The following NLRC5 variants were observed in gnomAD, a reference collection of about 807,000 sequenced individuals.
The protein encoded by NLRC5 is protein NLRC5.
In NLRC5, 114 loss-of-function variants were observed where a neutral mutation model predicts 206.9. The observed-to-expected ratio is 0.55, with a 90% confidence interval of 0.47 to 0.64. The LOEUF (loss-of-function observed/expected upper bound fraction) is 0.64, where lower values mean the gene tolerates loss of function less well. Among genes scored for constraint, NLRC5 ranks in the 30% least tolerant of loss-of-function variants. The probability of loss-of-function intolerance (pLI) is 0.00; values close to 1 mark genes in which losing one functional copy is unlikely to be tolerated. For missense variants in NLRC5, 2,008 were observed against 2,305.5 expected (o/e 0.87, Z 2.64); for synonymous variants, 952 against 962.8 (o/e 0.99, Z 0.21).
chr16:57,026,766 C>T lies in NLRC5; in HGVS notation c.1823C>T (p.Thr608Ile). 6.2e-7 allele frequency: 1 copy of T among 1,614,100 alleles called. No homozygotes were observed. The change falls in exon 6 of 49, where the codon ACA becomes ATA. Residue 608 changes from threonine (T) to isoleucine (I), a missense_variant. Coordinates refer to ENST00000688547, the MANE Select transcript of NLRC5 (RefSeq NM_001384950.1). ...AAGAAGTTGGCCACCCGCAAGCTCA[C>T]AGGGCCAAAGGTTGTAGAGCTGTGT... is the stretch of plus-strand genomic sequence containing the variant. ...VLKKLATRKL[T>I]GPKVVELCHC... is the part of the protein sequence containing the mutation.
rs1174863689 is a variant in NLRC5 at position 57,061,573 on chromosome 16, G to A, written c.4070+42G>A. On this transcript the variant is annotated intron_variant, in intron 31 of 48. Coordinates refer to ENST00000688547, the MANE Select transcript of NLRC5 (RefSeq NM_001384950.1). The stretch of plus-strand genomic sequence containing the variant: ...GCCCGTGAGGACAGCAGAGGGGTGG[G>A]GGCACCCTGCCAGAGCCACCTCAGT... 5.6e-6 allele frequency: 9 copies of A among 1,608,490 alleles called. No homozygotes were observed. The Admixed American group carries it at 1.0e-4, about 18-fold the overall frequency.
chr16:57,028,214 C>A (rs373846225), intron 7 of NLRC5, 59 bp downstream of exon 7: 7 of 1,570,126 alleles, frequency 4.5e-6, no homozygotes, highest in Non-Finnish European at 6.1e-6. Flanking sequence ...GTACTCTCCT[C>A]CCTCTCCTTA....
intron 13 of NLRC5, among the ~76,000 whole-genome samples, chr16:57,035,190 C>G (rs1472262736): frequency 1.3e-5 from 2 of 152,154 alleles, no homozygotes; most frequent in Admixed American, 1.3e-4. Flanking sequence ...TTTAGTCCCT[C>G]CAGATGGACC....
intron 6 of NLRC5, 44 bp downstream of exon 6, chr16:57,027,062 G>A: frequency 1.9e-6 from 3 of 1,581,042 alleles, no homozygotes; most frequent in Non-Finnish European, 2.6e-6. Flanking sequence ...TTGGGCTTTT[G>A]GGGGAGCAGA....
intron 5 of NLRC5, among the ~76,000 whole-genome samples, chr16:57,025,124 A>G (rs1214853524): frequency 6.6e-6 from 1 of 152,128 alleles, no homozygotes; most frequent in South Asian, 2.1e-4. Context: ...CGTGACCCAC[A>G]CTTCCCCATT....
Position 57,077,752 on chromosome 16 carries a change from A to T in NLRC5, c.4953A>T (p.Gly1651=), listed in dbSNP as rs2068585977. The T allele has an allele frequency of 3.1e-6, 5 of 1,603,030 alleles. No homozygotes were observed. The highest frequency in any genetic ancestry group is 1.7e-4 in the Middle Eastern group (1 of 6,026). Residue 1651 remains glycine (G), a synonymous_variant, in exon 42 of 49, where the codon GGA becomes GGT. Transcript: ENST00000688547. ...LSGNSISSAG[G]VQLAESLVLC... is the part of the protein sequence containing the mutation. ...GGAATAGCATCAGCTCAGCCGGGGG[A>T]GTGCAGTTGGCAGAGTCTCTCGTTC...
Position 57,069,933 on chromosome 16 carries a change from T to C in NLRC5, c.4583+14T>C, listed in dbSNP as rs757544514. The stretch of plus-strand genomic sequence containing the variant: ...GGAGGAGCTGGAGTGAGTTGCAGAG[T>C]GGAGGGATTGGGGACAAGTGGCCCA... On this transcript the variant is annotated intron_variant, in intron 37 of 48. Coordinates refer to ENST00000688547, the MANE Select transcript of NLRC5 (RefSeq NM_001384950.1). 40 of 1,560,262 alleles carry C rather than the reference T, an allele frequency of 2.6e-5. 1 individual carries two copies. In the Middle Eastern group the frequency reaches 8.4e-4, roughly 33 times the overall value.
At chr16:57,077,913 T>C (rs27392) in intron 42 of NLRC5, 30 bp from the exon 43 acceptor site, 754,997 of 1,610,710 alleles carry the variant, frequency 0.47, 185,949 homozygotes, top group Non-Finnish European at 0.52. Flanking sequence ...GCAGGCCCAG[T>C]ACTCAATGCT....
In NLRC5 at chr16:57,026,966, G is replaced by C; in HGVS notation, c.2023G>C (p.Glu675Gln). The C allele has an allele frequency of 6.2e-7, 1 of 1,614,164 alleles. No homozygotes were observed. The highest frequency in any genetic ancestry group is 8.5e-7 in the Non-Finnish European group (1 of 1,180,030). The change falls in exon 6 of 49, where the codon GAG becomes CAG. Residue 675 changes from glutamate (E) to glutamine (Q), a missense_variant. Transcript: ENST00000688547. ...IHLDFDGCPL[E>Q]PHCPEALVGC... is the part of the protein sequence containing the mutation. The stretch of plus-strand genomic sequence containing the variant: ...CCTGGATTTTGATGGCTGTCCCCTG[G>C]AGCCCCACTGCCCTGAGGCTCTGGT...
rs539352160 is a variant in NLRC5, at chr16:57,015,334, T to G, written c.-127-1740T>G. 2.6e-5 allele frequency among the ~76,000 whole-genome samples: 4 copies of G among 152,254 alleles called. No homozygotes were observed. In the East Asian group the frequency reaches 7.7e-4, roughly 29 times the overall value. ...TTCCAAATACCATCACACTGGGTAT[T>G]TAGGCTTCACCAGGTGAATTGGTGG... On this transcript the variant is annotated intron_variant, in intron 1 of 48. Transcript: ENST00000688547.
intron 29 of NLRC5, 46 bp downstream of exon 29, chr16:57,059,107 A>C: frequency 6.2e-7 from 1 of 1,612,878 alleles, no homozygotes; most frequent in Non-Finnish European, 8.5e-7. Context: ...GCTGGCCAAC[A>C]GGTGCCCCTG....
intron 12 of NLRC5, 64 bp from the exon 13 acceptor site, chr16:57,034,104 C>A: frequency 7.2e-7 from 1 of 1,387,376 alleles, no homozygotes; most frequent in South Asian, 1.2e-5. Context: ...GCATTGGAAG[C>A]TGGAGGGGCC....
At chr16:56,996,625 A>T (rs1046358386) in intron 1 of NLRC5, among the ~76,000 whole-genome samples, 1 of 152,234 alleles carries the variant, frequency 6.6e-6, no homozygotes, top group East Asian at 1.9e-4. Context: ...AATCTCAAAC[A>T]TGAGTAAAGA....
chr16:57,029,927 G>A, intron 9 of NLRC5, 68 bp from the exon 10 acceptor site: 1 of 1,602,018 alleles, frequency 6.2e-7, no homozygotes, highest in Admixed American at 1.7e-5. Context: ...TCCCTTGCAA[G>A]GCAAGGAAGG....
chr16:57,043,495 GCCAC>G lies in NLRC5; in HGVS notation c.3114-17_3114-14del, dbSNP rs139193583. 6.2e-7 allele frequency: 1 copy of G among 1,604,588 alleles called. No individual in the cohort carries two copies. Among genetic ancestry groups the G allele is most frequent in the Non-Finnish European group, 8.5e-7 (1 of 1,171,340 alleles). On this transcript the variant is annotated splice_polypyrimidine_tract_variant and intron_variant, in intron 19 of 48. Coordinates refer to ENST00000688547, the MANE Select transcript of NLRC5 (RefSeq NM_001384950.1). ...TTGGGTCCTGAGTGACCTCCATTGT[GCCAC>G]CCCTGTGATCTCCAGCCTCAGTGAG... is the stretch of plus-strand genomic sequence containing the variant.
chr16:57,020,290 A>T (rs1227475885), intron 2 of NLRC5, among the ~76,000 whole-genome samples: 1 of 75,686 alleles, frequency 1.3e-5, no homozygotes. Flanking sequence ...TGTCCCCCAA[A>T]TCACCTGCCC....
At chr16:57,039,756 C>G (rs764544725) in intron 15 of NLRC5, 25 bp from the exon 16 acceptor site, 3 of 1,608,464 alleles carry the variant, frequency 1.9e-6, no homozygotes. Flanking sequence ...CCTCTCGCTT[C>G]CTCACCCCTC....
Position 57,040,788 on chromosome 16 carries a change from C to T in NLRC5, c.2939+70C>T. 6 of 1,465,440 alleles carry T rather than the reference C, an allele frequency of 4.1e-6. No homozygotes were observed. The South Asian group carries it at 6.9e-5, about 17-fold the overall frequency. 90.8% of individuals were successfully genotyped at this position (1,465,440 alleles called of 1,614,324 possible). ...CCTTCCCCTGCTCAGAGCCTGCTCC[C>T]AAACCTGTGCCCAGGCCCCACATGC... On this transcript the variant is annotated intron_variant, in intron 17 of 48. Coordinates refer to ENST00000688547, the MANE Select transcript of NLRC5 (RefSeq NM_001384950.1).
intron 38 of NLRC5, among the ~76,000 whole-genome samples, chr16:57,071,782 GGT>G: frequency 7.1e-6 from 1 of 140,562 alleles, no homozygotes. Flanking sequence ...TGAGTGGTGG[GGT>G]TGGTTAATGG....
Sources: gnomAD v4.1 joint callset for allele counts (sites outside exome capture counted in the v4.1 genomes callset) on GRCh38, gnomAD v4.1.1 for gene constraint, MANE v1.5 for transcripts, NCBI Gene and HGNC (gene_info 2026-07-23, HGNC 2026-07-21) for gene names.